ADGRF3: variants seen among roughly 807,000 people sequenced by gnomAD.
The protein encoded by ADGRF3 is adhesion G protein-coupled receptor F3.
In ADGRF3, 85 loss-of-function variants were observed where a neutral mutation model predicts 93.2. That is an observed-to-expected ratio of 0.91 (90% CI 0.77 to 1.09). The LOEUF (loss-of-function observed/expected upper bound fraction) is 1.09, where lower values mean the gene tolerates loss of function less well. Ranked by LOEUF, ADGRF3 falls within the 50% of genes least tolerant of loss-of-function variation. The probability of loss-of-function intolerance (pLI) is 0.00; values close to 1 mark genes in which losing one functional copy is unlikely to be tolerated. For synonymous variants in ADGRF3, 534 were observed against 532.5 expected (o/e 1.00, Z -0.04); for missense variants, 1,125 against 1,246.2 (o/e 0.90, Z 1.46).
At chr2:26,319,148 G>A in intron 1 of ADGRF3, 2 of 1,268,870 alleles carry the variant, frequency 1.6e-6, no homozygotes, top group South Asian at 3.0e-5. Flanking sequence ...AGAGGGGAGG[G>A]AGCCAGGGCT....
chr2:26,315,887 G>A, intron 4 of ADGRF3, 147 bp from the exon 5 acceptor site: 2 of 1,227,770 alleles, frequency 1.6e-6, no homozygotes, highest in Non-Finnish European at 2.2e-6. Flanking sequence ...GTCCCTGGGT[G>A]GGCACCTGAA....
chr2:26,316,453 CAG>C lies in ADGRF3; in HGVS notation c.326-7_326-6del. The C allele has an allele frequency of 6.4e-7, 1 of 1,550,916 alleles. No individual in the cohort carries two copies. Among genetic ancestry groups the C allele is most frequent in the Non-Finnish European group, 8.7e-7 (1 of 1,146,624 alleles). On this transcript the variant is annotated splice_polypyrimidine_tract_variant and splice_region_variant and intron_variant, in intron 3 of 13. Transcript: ENST00000651242. ...CCTTGTGGTTGACATTACACTCTGA[CAG>C]AGAGAAGAGAAGAGGGGGTGGGCAG...
rs145317161 is a variant in ADGRF3, at chr2:26,311,086, C to T, written c.2438G>A (p.Arg813Gln). ...LFVFHQLAKHRVLPLMVLLGY... is the reference protein window; with the variant it reads ...LFVFHQLAKHQVLPLMVLLGY... ...CAGGAGCACCATGAGGGGGAGAACT[C>T]GGTGCTTTGCCAGCTGGTGAAAGAC... Residue 813 changes from arginine to glutamine, a missense_variant, in exon 10 of 14, where the codon CGA (arginine) becomes CAA (glutamine). Arg to Gln is a conservative substitution (Grantham distance 43). Coordinates refer to ENST00000651242, the MANE Select transcript of ADGRF3 (RefSeq NM_001321971.2). 45 of 1,603,688 alleles carry T rather than the reference C, an allele frequency of 2.8e-5. No homozygotes were observed. The African/African-American group carries it at 4.4e-4, about 16-fold the overall frequency.
At chr2:26,312,809 C>T in intron 9 of ADGRF3, 134 bp downstream of exon 9, 2 of 752,642 alleles carry the variant, frequency 2.7e-6, no homozygotes, top group Non-Finnish European at 4.2e-6. Context: ...GGATCAGGAG[C>T]AGGCCCCTGG....
Position 26,314,388 on chromosome 2 carries a change from C to T in ADGRF3, c.928+26G>A, listed in dbSNP as rs749969337. The T allele has an allele frequency of 3.1e-6, 5 of 1,597,456 alleles. No individual in the cohort carries two copies. The South Asian group carries it at 4.5e-5, about 14-fold the overall frequency. On this transcript the variant is annotated intron_variant, in intron 6 of 13. Transcript: ENST00000651242. ...ACAGCTGCCCCCTGGTCCCTCTGACCCCTGACTGCTGGCCCCTTCTCATAC... is the reference window on the plus strand; with the variant it reads ...ACAGCTGCCCCCTGGTCCCTCTGACTCCTGACTGCTGGCCCCTTCTCATAC...
intron 1 of ADGRF3, among the ~76,000 whole-genome samples, chr2:26,319,546 TCTCC>T (rs746092843): frequency 0.25 from 15,416 of 62,000 alleles, 2,218 homozygotes; most frequent in South Asian, 0.34. Flanking sequence ...CCCTTCTTTC[TCTCC>T]CTCCCTCCCT....
Position 26,315,418 on chromosome 2 carries a change from G to A in ADGRF3, c.718+104C>T, listed in dbSNP as rs1484725558. On this transcript the variant is annotated intron_variant, in intron 5 of 13. Coordinates refer to ENST00000651242, the MANE Select transcript of ADGRF3 (RefSeq NM_001321971.2). ...AAAGAAAAGAAGGAAGGAGAAGGGA[G>A]GGAGGCGTGGGAAGAAGAGGTGAAG... is the stretch of plus-strand genomic sequence containing the variant. The A allele has an allele frequency of 1.8e-5, 21 of 1,183,266 alleles. 1 individual carries two copies. The South Asian group carries it at 2.7e-4, about 15-fold the overall frequency. The allele number at this position is 1,183,266 out of a possible 1,614,324, so 73.3% of individuals were successfully genotyped here.
chr2:26,336,762 G>T (rs1291932428), intron 1 of ADGRF3, among the ~76,000 whole-genome samples: 1 of 148,138 alleles, frequency 6.8e-6, no homozygotes, highest in Non-Finnish European at 1.5e-5. Context: ...AGCAATCAAG[G>T]GAGAAGGGAG....
rs1673794746 is a variant in ADGRF3, at chr2:26,309,071, G to A, written c.*15C>T. On this transcript the variant is annotated 3_prime_UTR_variant, in exon 14 of 14. Coordinates refer to ENST00000651242, the MANE Select transcript of ADGRF3 (RefSeq NM_001321971.2). Reference sequence around the variant, plus strand: ...AGCCTCAACTCCCTTGCAGGAACATGGGTCCGTGTGTGGTTCACTCTGAAG... The same window carrying A: ...AGCCTCAACTCCCTTGCAGGAACATAGGTCCGTGTGTGGTTCACTCTGAAG... The A allele has an allele frequency of 6.2e-7, 1 of 1,613,898 alleles. No individual in the cohort carries two copies. Among genetic ancestry groups the A allele is most frequent in the Admixed American group, 1.7e-5 (1 of 60,004 alleles).
At chr2:26,318,703 T>G (rs991740195) in intron 1 of ADGRF3, among the ~76,000 whole-genome samples, 1 of 152,198 alleles carries the variant, frequency 6.6e-6, no homozygotes, top group Non-Finnish European at 1.5e-5. Flanking sequence ...TGAATGAGAC[T>G]TTATCCAAAG....
chr2:26,315,445 A>G, intron 5 of ADGRF3, 77 bp downstream of exon 5: 12 of 1,446,166 alleles, frequency 8.3e-6, no homozygotes, highest in Non-Finnish European at 1.1e-5. Flanking sequence ...GAGGTGAAGG[A>G]AAGCAGAGAA....
intron 1 of ADGRF3, among the ~76,000 whole-genome samples, chr2:26,337,013 T>C (rs1269930145): frequency 6.6e-6 from 1 of 152,226 alleles, no homozygotes; most frequent in Non-Finnish European, 1.5e-5. Flanking sequence ...CCGTTCTTTC[T>C]CTGAATATTT....
Position 26,313,031 on chromosome 2 carries a change from G to C in ADGRF3, c.1361C>G (p.Ser454Cys). 1 of 1,614,042 alleles carries C rather than the reference G, an allele frequency of 6.2e-7. No homozygotes were observed. The highest frequency in any genetic ancestry group is 8.5e-7 in the Non-Finnish European group (1 of 1,179,900). The change falls in exon 9 of 14, where the codon TCC becomes TGC. Residue 454 changes from serine to cysteine, a missense_variant. Coordinates refer to ENST00000651242, the MANE Select transcript of ADGRF3 (RefSeq NM_001321971.2). ...PGQAAEASSPSDLLTLLSTMK... is the reference protein window; with the variant it reads ...PGQAAEASSPCDLLTLLSTMK... ...GGTGCTCAGCAGGGTCAGTAAGTCGGAGGGTGAACTTGCCTCTGCCGCCTG... is the reference window on the plus strand; with the variant it reads ...GGTGCTCAGCAGGGTCAGTAAGTCGCAGGGTGAACTTGCCTCTGCCGCCTG...
At chr2:26,333,952 T>C (rs1332481768) in intron 1 of ADGRF3, among the ~76,000 whole-genome samples, 2 of 151,618 alleles carry the variant, frequency 1.3e-5, no homozygotes, top group Admixed American at 1.3e-4. Flanking sequence ...TCCTGAGTAC[T>C]GGGATTACAG....
chr2:26,344,761 G>A (rs1267072236), intron 1 of ADGRF3, among the ~76,000 whole-genome samples: 2 of 152,220 alleles, frequency 1.3e-5, no homozygotes, highest in Admixed American at 6.5e-5. Context: ...GCCAGGGGAG[G>A]TCGAGGCTGC....
At chr2:26,322,351 G>A (rs1036716856) in intron 1 of ADGRF3, among the ~76,000 whole-genome samples, 2 of 151,198 alleles carry the variant, frequency 1.3e-5, no homozygotes, top group African/African-American at 2.4e-5. Context: ...GAGGTCCTCC[G>A]TATTCCACCC....
rs180994459 is a variant in ADGRF3 at position 26,344,414 on chromosome 2, G to C, written c.114+1707C>G. Among the ~76,000 whole-genome samples the C allele has an allele frequency of 3.6e-3, 554 of 152,240 alleles. 3 individuals are homozygous for C. The highest frequency in any genetic ancestry group is 0.012 in the African/African-American group (481 of 41,550). On this transcript the variant is annotated intron_variant, in intron 1 of 13. Transcript: ENST00000651242. Reference sequence around the variant, plus strand: ...CCACCTCAGGCTCCCAAAGTGTAGGGATTACAAGCGTGAGCCACCGCGCCT... The same window carrying C: ...CCACCTCAGGCTCCCAAAGTGTAGGCATTACAAGCGTGAGCCACCGCGCCT...
At chr2:26,322,704 A>AAATC (rs796430626) in intron 1 of ADGRF3, among the ~76,000 whole-genome samples, 30 of 152,318 alleles carry the variant, frequency 2.0e-4, no homozygotes, top group African/African-American at 6.7e-4. Context: ...TATTTGTATC[A>AAATC]AATCAATCAA....
At chr2:26,333,293 T>G (rs1280573301) in intron 1 of ADGRF3, among the ~76,000 whole-genome samples, 2 of 150,792 alleles carry the variant, frequency 1.3e-5, no homozygotes. Flanking sequence ...ATGGGCTCCT[T>G]GAGTCCAGTT....
Sources: gnomAD v4.1 joint callset for allele counts (sites outside exome capture counted in the v4.1 genomes callset) on GRCh38, gnomAD v4.1.1 for gene constraint, MANE v1.5 for transcripts, NCBI Gene and HGNC (gene_info 2026-07-23, HGNC 2026-07-21) for gene names.